Variants in SLC4A10 observed in about 807,000 individuals in gnomAD.
SLC4A10 encodes the protein solute carrier family 4 member 10.
SLC4A10 carries 42 observed loss-of-function variants against 137.7 expected under a neutral mutation model. The observed-to-expected ratio is 0.30, with a 90% CI of 0.24 to 0.39. The LOEUF (loss-of-function observed/expected upper bound fraction) is 0.39. Among genes scored for constraint, SLC4A10 ranks in the 10% least tolerant of loss-of-function variants. The pLI is 1.00. For synonymous variants in SLC4A10, 474 were observed against 464.1 expected (o/e 1.02, Z -0.27); for missense variants, 925 against 1,355.0 (o/e 0.68, Z 4.98).
chr2:161,677,738 T>A (rs930532058), intron 1 of SLC4A10, among the ~76,000 whole-genome samples: 1 of 152,202 alleles, frequency 6.6e-6, no homozygotes, highest in African/African-American at 2.4e-5. Context: ...TGTTACTATG[T>A]TTACTTTATA....
intron 26 of SLC4A10, among the ~76,000 whole-genome samples, chr2:161,978,560 T>C (rs1022469618): frequency 1.3e-5 from 2 of 152,054 alleles, no homozygotes; most frequent in African/African-American, 4.8e-5. Flanking sequence ...ACTTAGAGAA[T>C]ATATCTCTTA....
chr2:161,727,443 G>T (rs562499972), intron 1 of SLC4A10, among the ~76,000 whole-genome samples: 1 of 152,136 alleles, frequency 6.6e-6, no homozygotes, highest in African/African-American at 2.4e-5. Flanking sequence ...AATCTCTGAA[G>T]AAAACTTCCA....
At chr2:161,785,331 T>G (rs2053501492) in intron 2 of SLC4A10, among the ~76,000 whole-genome samples, 1 of 151,726 alleles carries the variant, frequency 6.6e-6, no homozygotes, top group African/African-American at 2.4e-5. Context: ...TCAAACTTTT[T>G]TTTATCTTGA....
intron 1 of SLC4A10, among the ~76,000 whole-genome samples, chr2:161,649,965 A>G (rs935241646): frequency 3.3e-5 from 5 of 152,190 alleles, no homozygotes; most frequent in African/African-American, 9.6e-5. Flanking sequence ...TCTACTATTA[A>G]TGTCATACAT....
intron 4 of SLC4A10, among the ~76,000 whole-genome samples, chr2:161,853,191 A>T (rs1283158068): frequency 6.6e-6 from 1 of 152,220 alleles, no homozygotes; most frequent in Non-Finnish European, 1.5e-5. Context: ...GGGATAGGCT[A>T]AATTATGCTA....
chr2:161,939,307 C>A (rs1692222695), intron 15 of SLC4A10, among the ~76,000 whole-genome samples: 1 of 152,036 alleles, frequency 6.6e-6, no homozygotes, highest in Non-Finnish European at 1.5e-5. Context: ...GATCTCTTGA[C>A]CTTGTGATCT....
intron 19 of SLC4A10, among the ~76,000 whole-genome samples, chr2:161,951,841 A>G (rs1217278857): frequency 6.6e-6 from 1 of 152,180 alleles, no homozygotes; most frequent in Non-Finnish European, 1.5e-5. Flanking sequence ...AATGTAAGAA[A>G]GCACACTTAT....
At chr2:161,911,741 G>A (rs997749870) in intron 15 of SLC4A10, among the ~76,000 whole-genome samples, 6 of 152,010 alleles carry the variant, frequency 3.9e-5, no homozygotes, top group Admixed American at 1.3e-4. Flanking sequence ...GGCACATATT[G>A]TATGAACATG....
chr2:161,773,344 G>T (rs576464620), intron 2 of SLC4A10, among the ~76,000 whole-genome samples: 2 of 151,834 alleles, frequency 1.3e-5, no homozygotes, highest in East Asian at 3.9e-4. Context: ...TTGCACCAGG[G>T]ATTAAATTTC....
chr2:161,753,232 T>C (rs146256716), intron 1 of SLC4A10, among the ~76,000 whole-genome samples: 31 of 152,228 alleles, frequency 2.0e-4, no homozygotes, highest in Non-Finnish European at 3.5e-4. Flanking sequence ...TTTTTATACT[T>C]TCAGTGGGCA....
intron 1 of SLC4A10, among the ~76,000 whole-genome samples, chr2:161,659,292 G>C (rs35678280): frequency 0.025 from 3,830 of 152,260 alleles, 67 homozygotes; most frequent in Middle Eastern, 0.034. Context: ...CTTAAGTAAA[G>C]TCAAATACTG....
At chr2:161,913,710 C>CT (rs11369799) in intron 15 of SLC4A10, among the ~76,000 whole-genome samples, 5,394 of 152,158 alleles carry the variant, frequency 0.035, 390 homozygotes, top group Admixed American at 0.2. Context: ...GAGTAGAACC[C>CT]TTTTTTGTCT....
chr2:161,679,336 A>T (rs567099591), intron 1 of SLC4A10, among the ~76,000 whole-genome samples: 61 of 152,242 alleles, frequency 4.0e-4, no homozygotes, highest in African/African-American at 1.5e-3. Flanking sequence ...AAATCTTTTT[A>T]TTTAGTAAAT....
intron 4 of SLC4A10, among the ~76,000 whole-genome samples, chr2:161,843,113 C>T (rs2059285965): frequency 6.6e-6 from 1 of 152,100 alleles, no homozygotes; most frequent in Non-Finnish European, 1.5e-5. Context: ...TATATTTGGG[C>T]AAGAGTAACT....
intron 1 of SLC4A10, among the ~76,000 whole-genome samples, chr2:161,734,152 G>A (rs908772717): frequency 6.6e-6 from 1 of 152,132 alleles, no homozygotes; most frequent in Non-Finnish European, 1.5e-5. Context: ...CTGTTGGGAA[G>A]GCATGATTGG....
At chr2:161,695,564 A>G (rs1047303796) in intron 1 of SLC4A10, among the ~76,000 whole-genome samples, 4 of 152,110 alleles carry the variant, frequency 2.6e-5, no homozygotes, top group African/African-American at 7.2e-5. Context: ...ATAATCATTT[A>G]TGTTTAACAA....
At chr2:161,941,515 G>T (rs77596461) in intron 15 of SLC4A10, among the ~76,000 whole-genome samples, 1 of 152,112 alleles carries the variant, frequency 6.6e-6, no homozygotes, top group Admixed American at 6.6e-5. Flanking sequence ...GGTGGAAAAA[G>T]CATTTAAATA....
At chr2:161,948,888 A>G (rs1694306382) in intron 17 of SLC4A10, among the ~76,000 whole-genome samples, 1 of 152,134 alleles carries the variant, frequency 6.6e-6, no homozygotes, top group African/African-American at 2.4e-5. Flanking sequence ...ATAAACATTG[A>G]AAACAGCACA....
chr2:161,918,990 TC>T (rs1329016488), intron 15 of SLC4A10, among the ~76,000 whole-genome samples: 1 of 152,040 alleles, frequency 6.6e-6, no homozygotes, highest in South Asian at 2.1e-4. Context: ...GAAAGCCCCC[TC>T]CCCCCATAGG....
Sources: allele counts gnomAD v4.1 joint callset (sites outside exome capture counted in the v4.1 genomes callset), GRCh38; gene constraint gnomAD v4.1.1; transcripts MANE v1.5; gene names NCBI Gene and HGNC (gene_info 2026-07-23, HGNC 2026-07-21).